The following NUP88 variants were observed in gnomAD, a reference collection of about 807,000 sequenced individuals.
NUP88 encodes nuclear pore complex protein Nup88.
A neutral mutation model predicts 93.9 loss-of-function variants in NUP88; 57 were observed. The observed-to-expected ratio is 0.61, with a 90% CI of 0.49 to 0.76. The LOEUF is 0.76. Ranked by LOEUF, NUP88 falls within the 30% of genes least tolerant of loss-of-function variation. NUP88 has a pLI of 0.00. For missense variants in NUP88, 911 were observed against 901.0 expected (o/e 1.01, Z -0.14); for synonymous variants, 346 against 336.8 (o/e 1.03, Z -0.30).
chr17:5,419,514 G>A lies in NUP88; in HGVS notation c.137C>T (p.Ser46Leu). ...PTEAEKPASS[S>L]LPSSPPPQLL... ...CTGCGGCGGCGGCGACGAAGGCAAC[G>A]ACGAAGAAGCTGGTTTCTCAGCTTC... The change falls in exon 1 of 17, where the codon TCG becomes TTG. Residue 46 changes from serine (S) to leucine (L), a missense_variant. Physicochemically the swap from Ser to Leu is moderately radical, Grantham distance 145 (BLOSUM62 -2). Coordinates refer to ENST00000573584, the MANE Select transcript of NUP88 (RefSeq NM_002532.6). 1 of 1,614,010 alleles carries A rather than the reference G, an allele frequency of 6.2e-7. No individual in the cohort carries two copies. Among genetic ancestry groups the A allele is most frequent in the East Asian group, 2.2e-5 (1 of 44,870 alleles).
rs533653170 is a variant in NUP88, at chr17:5,399,120, T to C, written c.1291+432A>G. 6.0e-3 allele frequency among the ~76,000 whole-genome samples: 901 copies of C among 151,254 alleles called. 4 individuals carry two copies. Among genetic ancestry groups the C allele is most frequent in the Non-Finnish European group, 0.011 (726 of 67,794 alleles). On this transcript the variant is annotated intron_variant, in intron 8 of 16. Coordinates refer to ENST00000573584, the MANE Select transcript of NUP88 (RefSeq NM_002532.6). Reference sequence around the variant, plus strand: ...GTTAGCCAGGATGGTCTCAATCTCCTGATTTTGTGATCCACCCACCTCGGC... The same window carrying C: ...GTTAGCCAGGATGGTCTCAATCTCCCGATTTTGTGATCCACCCACCTCGGC...
intron 8 of NUP88, among the ~76,000 whole-genome samples, chr17:5,398,555 T>C (rs1262678470): frequency 1.3e-5 from 2 of 150,676 alleles, no homozygotes; most frequent in African/African-American, 4.9e-5. Context: ...CCTCCCAAAG[T>C]GCTGGGATTA....
intron 1 of NUP88, 74 bp from the exon 2 acceptor site, chr17:5,416,756 G>T (rs1914174748): frequency 8.6e-7 from 1 of 1,158,450 alleles, no homozygotes; most frequent in Non-Finnish European, 1.2e-6. Flanking sequence ...TGAAATCACA[G>T]TAATACTTAG....
intron 8 of NUP88, among the ~76,000 whole-genome samples, chr17:5,396,671 T>G (rs146671069): frequency 1.1e-4 from 16 of 152,352 alleles, no homozygotes; most frequent in African/African-American, 3.1e-4. Context: ...ATCAGGTACA[T>G]GGTAACTCTA....
In NUP88 at chr17:5,387,028, G is replaced by C; in HGVS notation, c.1999C>G (p.Leu667Val). The change falls in exon 15 of 17, where the codon CTG becomes GTG. Residue 667 changes from leucine to valine, a missense_variant. By Grantham distance (32) the Leu-to-Val change is conservative. Coordinates refer to ENST00000573584, the MANE Select transcript of NUP88 (RefSeq NM_002532.6). ...AAATGTCGAAGTTGATCAGGTATCA[G>C]CTGTAATTCTTTCTTCATGTCTCGC... ...SERDMKKELQLIPDQLRHLGN... is the reference protein window; with the variant it reads ...SERDMKKELQVIPDQLRHLGN... The C allele has an allele frequency of 2.5e-6, 4 of 1,614,044 alleles. No homozygotes were observed. Among genetic ancestry groups the C allele is most frequent in the Non-Finnish European group, 3.4e-6 (4 of 1,179,916 alleles).
At chr17:5,418,685 C>G (rs557865822) in intron 1 of NUP88, among the ~76,000 whole-genome samples, 6 of 152,334 alleles carry the variant, frequency 3.9e-5, no homozygotes, top group East Asian at 1.9e-4. Context: ...TTGGACCGGG[C>G]ACACAACAGA....
chr17:5,391,001 T>C (rs950194428), intron 10 of NUP88, among the ~76,000 whole-genome samples: 4 of 152,210 alleles, frequency 2.6e-5, no homozygotes, highest in Admixed American at 6.5e-5. Context: ...CCAGTTTACA[T>C]AGTCTACAGT....
At chr17:5,398,375 G>A (rs180716283) in intron 8 of NUP88, among the ~76,000 whole-genome samples, 49 of 148,826 alleles carry the variant, frequency 3.3e-4, no homozygotes, top group East Asian at 2.2e-3. Context: ...CTGCAACTCC[G>A]CCTCCTGGGT....
In NUP88 at chr17:5,416,645, T is replaced by C. The variant is rs139537908; in HGVS notation, c.335A>G (p.Tyr112Cys). 1.3e-5 allele frequency: 21 copies of C among 1,610,454 alleles called. No homozygotes were observed. The highest frequency in any genetic ancestry group is 6.7e-5 in the South Asian group (6 of 89,592). The change falls in exon 2 of 17, where the codon TAT (tyrosine) becomes TGT (cysteine). Residue 112 changes from tyrosine to cysteine, a missense_variant. Physicochemically the swap from Tyr to Cys is radical, Grantham distance 194 (BLOSUM62 -2). Coordinates refer to ENST00000573584, the MANE Select transcript of NUP88 (RefSeq NM_002532.6). ...LCINPPLFEI[Y>C]QVLLSPTQHH... is the part of the protein sequence containing the mutation. ...TTGTGTTGGGCTTAACAAGACTTGA[T>C]AGATTTCAAACAGGGGTGGATTTAT...
At position 5,387,029 on chromosome 17, in the gene NUP88, C is replaced by T. The variant is rs1411646485; in HGVS notation, c.1998G>A (p.Gln666=). 1.2e-6 allele frequency: 2 copies of T among 1,614,114 alleles called. No homozygotes were observed. The highest frequency in any genetic ancestry group is 1.7e-5 in the Admixed American group (1 of 60,010). Reference sequence around the variant, plus strand: ...AATGTCGAAGTTGATCAGGTATCAGCTGTAATTCTTTCTTCATGTCTCGCT... The same window carrying T: ...AATGTCGAAGTTGATCAGGTATCAGTTGTAATTCTTTCTTCATGTCTCGCT... ...DSERDMKKEL[Q]LIPDQLRHLG... Residue 666 remains glutamine (Q), a synonymous_variant, in exon 15 of 17, where the codon CAG becomes CAA. Coordinates refer to ENST00000573584, the MANE Select transcript of NUP88 (RefSeq NM_002532.6).
chr17:5,416,438 T>G, intron 2 of NUP88, 75 bp downstream of exon 2: 1 of 1,047,896 alleles, frequency 9.5e-7, no homozygotes, highest in Non-Finnish European at 1.4e-6. Context: ...ATACTAAACA[T>G]GCTTAAGAAC....
At chr17:5,403,950 T>C (rs1018643335) in intron 7 of NUP88, 149 bp downstream of exon 7, 4 of 662,432 alleles carry the variant, frequency 6.0e-6, no homozygotes, top group Non-Finnish European at 9.6e-6. Flanking sequence ...AGACAAAAAG[T>C]GTACTATAGT....
rs76013913 is a variant in NUP88, at chr17:5,405,865, G to A, written c.858-622C>T. 3.4e-3 allele frequency among the ~76,000 whole-genome samples: 522 copies of A among 152,088 alleles called. 3 individuals are homozygous for A. Among genetic ancestry groups the A allele is most frequent in the African/African-American group, 0.012 (488 of 41,470 alleles). On this transcript the variant is annotated intron_variant, in intron 5 of 16. Transcript: ENST00000573584. The stretch of plus-strand genomic sequence containing the variant: ...TCTAATTTCTGTCTCTTAAATATTG[G>A]TGTTCTCCAGGATTCTGTTGTATGC...
At chr17:5,414,167 T>G in intron 2 of NUP88, 33 bp from the exon 3 acceptor site, 2 of 1,596,666 alleles carry the variant, frequency 1.3e-6, no homozygotes, top group Non-Finnish European at 1.7e-6. Context: ...CCAAAACATT[T>G]TGTACAACTT....
rs769947831 is a variant in NUP88 at position 5,404,124 on chromosome 17, A to G, written c.1167T>C (p.Phe389=). The change falls in exon 7 of 17, where the codon TTT becomes TTC. Residue 389 remains phenylalanine, a synonymous_variant. Transcript: ENST00000573584. ...CTCTATGAAGTTTGACTGGACAAGA[A>G]AAGTCAGAATCAAAAGGGTCATCCT... The part of the protein sequence containing the change: ...SGEDDPFDSD[F]SCPVKLHRDP... 12 of 1,614,038 alleles carry G rather than the reference A, an allele frequency of 7.4e-6. No homozygotes were observed. In the Admixed American group the frequency reaches 1.3e-4, roughly 18 times the overall value.
intron 7 of NUP88, among the ~76,000 whole-genome samples, chr17:5,402,900 G>A (rs1422578033): frequency 1.3e-5 from 2 of 152,060 alleles, no homozygotes; most frequent in Non-Finnish European, 2.9e-5. Context: ...AGGCTGAGGT[G>A]AGAGGATTGC....
intron 8 of NUP88, among the ~76,000 whole-genome samples, chr17:5,398,056 G>A (rs189585615): frequency 6.6e-6 from 1 of 151,416 alleles, no homozygotes; most frequent in African/African-American, 2.4e-5. Flanking sequence ...ACAGGCATCC[G>A]CCACTATGCC....
chr17:5,396,874 T>C (rs907212524), intron 8 of NUP88, among the ~76,000 whole-genome samples: 2 of 152,226 alleles, frequency 1.3e-5, no homozygotes, highest in African/African-American at 4.8e-5. Context: ...CTTATTTCCA[T>C]AATGACTAAT....
Position 5,385,159 on chromosome 17 carries a change from C to A in NUP88, c.*1047G>T, listed in dbSNP as rs1191959850. The A allele has an allele frequency of 4.4e-6, 1 of 229,622 alleles. No individual in the cohort carries two copies. The highest frequency in any genetic ancestry group is 8.6e-6 in the Non-Finnish European group (1 of 115,920). 14.2% of individuals were successfully genotyped at this position (229,622 alleles called of 1,614,324 possible). ...GAATTCACTTTATTGTAGAAAAACC[C>A]AAACTGAGACTCTTAAGTTTTGTTT... On this transcript the variant is annotated 3_prime_UTR_variant, in exon 17 of 17. Transcript: ENST00000573584.
Sources: allele counts gnomAD v4.1 joint callset (sites outside exome capture counted in the v4.1 genomes callset), GRCh38; gene constraint gnomAD v4.1.1; transcripts MANE v1.5; gene names NCBI Gene and HGNC (gene_info 2026-07-23, HGNC 2026-07-21).